ATP4A: variants seen among roughly 807,000 people sequenced by gnomAD.
ATP4A encodes the protein ATPase H+/K+ transporting subunit alpha, also known as potassium-transporting ATPase alpha chain 1.
ATP4A carries 73 observed loss-of-function variants against 112.1 expected under a neutral mutation model. That is an observed-to-expected ratio of 0.65 (90% CI 0.54 to 0.79). The LOEUF (loss-of-function observed/expected upper bound fraction) is 0.79. ATP4A is among the 30% of genes least tolerant of loss of function. The pLI is 0.00. For synonymous variants in ATP4A, 588 were observed against 588.9 expected (o/e 1.00, Z 0.02); for missense variants, 1,081 against 1,425.9 (o/e 0.76, Z 3.90).
chr19:35,555,938 T>C lies in ATP4A; in HGVS notation c.1870-126A>G, dbSNP rs2071629272. On this transcript the variant is annotated intron_variant, in intron 12 of 21. Transcript: ENST00000262623. This position sits in a 1 kb window ranked among gnomAD's most constrained non-coding sequence, Gnocchi z 6.6. Reference sequence around the variant, plus strand: ...CAAGCGTGACCACCTCCTACGTGCCTGGGATATAGCAGAGACAAAAGAGAC... The same window carrying C: ...CAAGCGTGACCACCTCCTACGTGCCCGGGATATAGCAGAGACAAAAGAGAC... 7.4e-7 allele frequency: 1 copy of C among 1,360,238 alleles called. No homozygotes were observed. The highest frequency in any genetic ancestry group is 9.9e-7 in the Non-Finnish European group (1 of 1,011,814). 84.3% of individuals were successfully genotyped at this position (1,360,238 alleles called of 1,614,324 possible).
At position 35,557,196 on chromosome 19, in the gene ATP4A, G is replaced by T; in HGVS notation, c.1694-108C>A. Reference sequence around the variant, plus strand: ...CCCCTTGCACCAAACACCTATGGATGCCTGACCTTGTGCTGACCCCTTCAC... The same window carrying T: ...CCCCTTGCACCAAACACCTATGGATTCCTGACCTTGTGCTGACCCCTTCAC... On this transcript the variant is annotated intron_variant, in intron 11 of 21. Coordinates refer to ENST00000262623, the MANE Select transcript of ATP4A (RefSeq NM_000704.3). The surrounding 1 kb of genome is among the most constrained non-coding windows in gnomAD (Gnocchi z 4.4). 7.8e-7 allele frequency: 1 copy of T among 1,286,474 alleles called. No homozygotes were observed. Among genetic ancestry groups the T allele is most frequent in the Non-Finnish European group, 1.1e-6 (1 of 917,592 alleles). 79.7% of individuals were successfully genotyped at this position (1,286,474 alleles called of 1,614,324 possible). A position where few individuals can be genotyped will look rare whatever the true frequency, so the allele number is the denominator to read the frequency against.
Position 35,551,705 on chromosome 19 carries a change from CAG to C in ATP4A, c.2752-127_2752-126del. ...CCTAAATGCTCTCTCTGCCTTGCAT[CAG>C]AGTGTGGGGGTGGGGGGAAGGAGAG... On this transcript the variant is annotated intron_variant, in intron 18 of 21. Coordinates refer to ENST00000262623, the MANE Select transcript of ATP4A (RefSeq NM_000704.3). This position sits in a 1 kb window ranked among gnomAD's most constrained non-coding sequence, Gnocchi z 5.2. 7.7e-7 allele frequency: 1 copy of C among 1,293,670 alleles called. No individual in the cohort carries two copies. Among genetic ancestry groups the C allele is most frequent in the Middle Eastern group, 2.5e-4 (1 of 3,928 alleles). 80.1% of individuals were successfully genotyped at this position (1,293,670 alleles called of 1,614,324 possible). A position where few individuals can be genotyped will look rare whatever the true frequency, so the allele number is the denominator to read the frequency against.
chr19:35,553,307 C>T (rs753888675), intron 17 of ATP4A, 125 bp from the exon 18 acceptor site: 456 of 1,141,538 alleles, frequency 4.0e-4, no homozygotes, highest in Non-Finnish European at 4.8e-4. Context: ...GACAGGGACA[C>T]GGGAAGAGAG....
Position 35,558,741 on chromosome 19 carries a change from C to A in ATP4A, c.1256-55G>T. ...GCACGGCGGCTCTCCCGGACCAGAA[C>A]CGAGCCCCCTCCTCCTAGGCTCATA... On this transcript the variant is annotated intron_variant, in intron 8 of 21. Transcript: ENST00000262623. This position sits in a 1 kb window ranked among gnomAD's most constrained non-coding sequence, Gnocchi z 5.1. 6.6e-7 allele frequency: 1 copy of A among 1,507,018 alleles called. No individual in the cohort carries two copies. The highest frequency in any genetic ancestry group is 1.2e-5 in the South Asian group (1 of 81,366). The allele number at this position is 1,507,018 out of a possible 1,614,324, so 93.4% of individuals were successfully genotyped here.
At position 35,557,705 on chromosome 19, in the gene ATP4A, G is replaced by C; in HGVS notation, c.1643C>G (p.Ala548Gly). The C allele has an allele frequency of 1.2e-6, 2 of 1,608,602 alleles. No homozygotes were observed. The highest frequency in any genetic ancestry group is 1.7e-6 in the Non-Finnish European group (2 of 1,177,930). The change falls in exon 11 of 22, where the codon GCC becomes GGC. Residue 548 changes from alanine (A) to glycine (G), a missense_variant. Ala to Gly is a moderately conservative substitution (Grantham distance 60, BLOSUM62 0). Around this residue, in one of 3 missense-constraint regions of ATP4A, gnomAD observed 850 missense variants for 1,068.2 expected, o/e 0.80. Coordinates refer to ENST00000262623, the MANE Select transcript of ATP4A (RefSeq NM_000704.3). The surrounding 1 kb of genome is among the most constrained non-coding windows in gnomAD (Gnocchi z 4.4). ...CAGGCTGAGGTAGGCGGTCTGGAAG[G>C]CCTCGCGCCACTGCTCGTCCAGCGG... ...ELPLDEQWRE[A>G]FQTAYLSLGG...
In ATP4A at chr19:35,555,503, C is replaced by A; in HGVS notation, c.2094G>T (p.Glu698Asp). 1 of 1,608,640 alleles carries A rather than the reference C, an allele frequency of 6.2e-7. No individual in the cohort carries two copies. The highest frequency in any genetic ancestry group is 8.5e-7 in the Non-Finnish European group (1 of 1,176,666). ...ELVEALRTHP[E>D]MVFARTSPQQ... ...GGGGGCTGGTGCGCGCAAACACCAT[C>A]TCGGGGTGGGTGCGCAGGGCCTCGA... The change falls in exon 14 of 22, where the codon GAG (glutamate) becomes GAT (aspartate). Residue 698 changes from glutamate to aspartate, a missense_variant. Around this residue, in one of 3 missense-constraint regions of ATP4A, gnomAD observed 850 missense variants for 1,068.2 expected, o/e 0.80. Coordinates refer to ENST00000262623, the MANE Select transcript of ATP4A (RefSeq NM_000704.3). The surrounding 1 kb of genome is among the most constrained non-coding windows in gnomAD (Gnocchi z 6.6).
rs192283853 is a variant in ATP4A at position 35,550,699 on chromosome 19, C to T, written c.3080-56G>A. ...TGCTGGGGGTGCCACTTAGGCAGGG[C>T]CAGGGGCTCAGAGGTCAGTGCTGGT... On this transcript the variant is annotated intron_variant, in intron 21 of 21. Coordinates refer to ENST00000262623, the MANE Select transcript of ATP4A (RefSeq NM_000704.3). The surrounding 1 kb of genome is among the most constrained non-coding windows in gnomAD (Gnocchi z 4.1). The T allele has an allele frequency of 2.5e-4, 396 of 1,611,992 alleles. No individual in the cohort carries two copies. In the African/African-American group the frequency reaches 4.4e-3, roughly 18 times the overall value.
chr19:35,553,567 C>T (rs982877530), intron 17 of ATP4A, 139 bp downstream of exon 17: 26 of 1,278,038 alleles, frequency 2.0e-5, no homozygotes, highest in South Asian at 1.8e-4. Flanking sequence ...GAGAGGGACA[C>T]GGAGGACAAC....
intron 3 of ATP4A, 89 bp downstream of exon 3, chr19:35,563,120 C>CTCTCCCTCTCTCCA: frequency 2.1e-6 from 3 of 1,462,344 alleles, no homozygotes; most frequent in Non-Finnish European, 2.8e-6. Context: ...CTCTCCCTCT[C>CTCTCCCTCTCTCCA]TCTCCCTCTC....
rs2071596553 is a variant in ATP4A at position 35,550,730 on chromosome 19, T to C, written c.3080-87A>G. 1 of 1,609,298 alleles carries C rather than the reference T, an allele frequency of 6.2e-7. No individual in the cohort carries two copies. The highest frequency in any genetic ancestry group is 8.5e-7 in the Non-Finnish European group (1 of 1,175,932). On this transcript the variant is annotated intron_variant, in intron 21 of 21. Coordinates refer to ENST00000262623, the MANE Select transcript of ATP4A (RefSeq NM_000704.3). The surrounding 1 kb of genome is among the most constrained non-coding windows in gnomAD (Gnocchi z 4.1). The stretch of plus-strand genomic sequence containing the variant: ...GCTCAGAGGTCAGTGCTGGTTGCTA[T>C]GGAGGGTCAAGGGCTTAGAGGCCAA...
At chr19:35,561,220 C>T (rs1277277688) in intron 4 of ATP4A, among the ~76,000 whole-genome samples, 1 of 152,040 alleles carries the variant, frequency 6.6e-6, no homozygotes, top group Non-Finnish European at 1.5e-5. Flanking sequence ...GACTTGTGCC[C>T]CAAATCACTG....
chr19:35,557,117 A>G lies in ATP4A; in HGVS notation c.1694-29T>C. On this transcript the variant is annotated intron_variant, in intron 11 of 21. Coordinates refer to ENST00000262623, the MANE Select transcript of ATP4A (RefSeq NM_000704.3). This position sits in a 1 kb window ranked among gnomAD's most constrained non-coding sequence, Gnocchi z 4.4. ...ACCGGAAACGGGGAAGTCAGGGAAGAGCCCTGGGCACACCCTTTCTTAGCA... is the reference window on the plus strand; with the variant it reads ...ACCGGAAACGGGGAAGTCAGGGAAGGGCCCTGGGCACACCCTTTCTTAGCA... 6.2e-7 allele frequency: 1 copy of G among 1,612,482 alleles called. No individual in the cohort carries two copies. The highest frequency in any genetic ancestry group is 8.5e-7 in the Non-Finnish European group (1 of 1,179,042).
chr19:35,551,087 G>T lies in ATP4A; in HGVS notation c.2910C>A (p.Ile970=). The T allele has an allele frequency of 1.2e-6, 2 of 1,611,966 alleles. No individual in the cohort carries two copies. Among genetic ancestry groups the T allele is most frequent in the East Asian group, 2.2e-5 (1 of 44,804 alleles). Residue 970 remains isoleucine, a synonymous_variant, in exon 20 of 22, where the codon ATC becomes ATA. Coordinates refer to ENST00000262623, the MANE Select transcript of ATP4A (RefSeq NM_000704.3). This position sits in a 1 kb window ranked among gnomAD's most constrained non-coding sequence, Gnocchi z 5.2. ...AGCAGCCGATGCAGACCTGGAACACGATGGCGATCACCAGGATCTTATTCC... is the reference window on the plus strand; with the variant it reads ...AGCAGCCGATGCAGACCTGGAACACTATGGCGATCACCAGGATCTTATTCC... ...FFRNKILVIA[I]VFQVCIGCFL... is the part of the protein sequence containing the mutation.
At position 35,557,430 on chromosome 19, in the gene ATP4A, A is replaced by C. The variant is rs142417882; in HGVS notation, c.1693+225T>G. On this transcript the variant is annotated intron_variant, in intron 11 of 21. Transcript: ENST00000262623. This position sits in a 1 kb window ranked among gnomAD's most constrained non-coding sequence, Gnocchi z 4.4. The stretch of plus-strand genomic sequence containing the variant: ...CAAAAATTGGGAGAGGTTAGAGGTC[A>C]GGATACGGATAAAAGTCCAGGTGAG... 2.0e-5 allele frequency among the ~76,000 whole-genome samples: 3 copies of C among 152,234 alleles called. No homozygotes were observed. The highest frequency in any genetic ancestry group is 4.8e-5 in the African/African-American group (2 of 41,472).
chr19:35,560,663 G>GGGGGC lies in ATP4A; in HGVS notation c.535-49_535-48insGCCCC. The GGGGGC allele has an allele frequency of 3.4e-6, 3 of 883,944 alleles. No homozygotes were observed. Among genetic ancestry groups the GGGGGC allele is most frequent in the Non-Finnish European group, 5.3e-6 (3 of 561,716 alleles). 54.8% of individuals were successfully genotyped at this position (883,944 alleles called of 1,614,324 possible). On this transcript the variant is annotated intron_variant, in intron 5 of 21. Coordinates refer to ENST00000262623, the MANE Select transcript of ATP4A (RefSeq NM_000704.3). This position sits in a 1 kb window ranked among gnomAD's most constrained non-coding sequence, Gnocchi z 5.1. ...TTGAGGTGGACGGGGGTGGGGGTGG[G>GGGGGC]AGCTGCTGCATGTGGGGAGGTAAAG...
rs1447818254 is a variant in ATP4A, at chr19:35,559,112, C to G, written c.1136G>C (p.Gly379Ala). ...VKNLEAVETL[G>A]STSVICSDKT... ...GTCCGAGCAGATCACCGAAGTGGAG[C>G]CCAATGTCTCCACCGCCTCCAGGTT... is the stretch of plus-strand genomic sequence containing the variant. Residue 379 changes from glycine to alanine, a missense_variant, in exon 8 of 22, where the codon GGC becomes GCC. Coordinates refer to ENST00000262623, the MANE Select transcript of ATP4A (RefSeq NM_000704.3). The surrounding 1 kb of genome is among the most constrained non-coding windows in gnomAD (Gnocchi z 4.1). 6.2e-7 allele frequency: 1 copy of G among 1,614,170 alleles called. No homozygotes were observed. Among genetic ancestry groups the G allele is most frequent in the South Asian group, 1.1e-5 (1 of 91,086 alleles).
Position 35,558,848 on chromosome 19 carries a change from C to CT in ATP4A, c.1255+144dup. The CT allele has an allele frequency of 7.8e-7, 1 of 1,283,038 alleles. No homozygotes were observed. Among genetic ancestry groups the CT allele is most frequent in the Non-Finnish European group, 1.1e-6 (1 of 927,082 alleles). The allele number at this position is 1,283,038 out of a possible 1,614,324, so 79.5% of individuals were successfully genotyped here. Reference sequence around the variant, plus strand: ...CCCAGCCCCCGGATGACCCTTCCCTCTAGACCCGGTAGCGAGTCTCCTTTG... The same window carrying CT: ...CCCAGCCCCCGGATGACCCTTCCCTCTTAGACCCGGTAGCGAGTCTCCTTTG... On this transcript the variant is annotated intron_variant, in intron 8 of 21. Transcript: ENST00000262623. This position sits in a 1 kb window ranked among gnomAD's most constrained non-coding sequence, Gnocchi z 5.1.
At chr19:35,554,899 G>T in intron 16 of ATP4A, 23 bp downstream of exon 16, 1 of 1,613,766 alleles carries the variant, frequency 6.2e-7, no homozygotes, top group Non-Finnish European at 8.5e-7. Context: ...CCTGTGGATG[G>T]GTACCCTGGG....
rs1454499923 is a variant in ATP4A at position 35,559,981 on chromosome 19, G to T, written c.880C>A (p.Pro294Thr). ...AAATGCTCGATCTCGATAGCGATGG[G>T]TGTCTTCTCGTTTTCCACCCCCGAC... ...LASGVENEKT[P>T]IAIEIEHFVD... Residue 294 changes from proline to threonine, a missense_variant, in exon 7 of 22, where the codon CCC becomes ACC. Around this residue, in one of 3 missense-constraint regions of ATP4A, gnomAD observed 850 missense variants for 1,068.2 expected, o/e 0.80. Coordinates refer to ENST00000262623, the MANE Select transcript of ATP4A (RefSeq NM_000704.3). The surrounding 1 kb of genome is among the most constrained non-coding windows in gnomAD (Gnocchi z 4.1). The T allele has an allele frequency of 1.9e-6, 3 of 1,614,252 alleles. No individual in the cohort carries two copies. Among genetic ancestry groups the T allele is most frequent in the Admixed American group, 1.7e-5 (1 of 60,030 alleles).
Sources: gnomAD v4.1 joint callset for allele counts (sites outside exome capture counted in the v4.1 genomes callset) on GRCh38, gnomAD v4.1.1 for gene constraint, gnomAD v4.1.1 regional missense constraint, Gnocchi (gnomAD v3.1) non-coding constraint, MANE v1.5 for transcripts, NCBI Gene and HGNC (gene_info 2026-07-23, HGNC 2026-07-21) for gene names.